Variants in ADGRL4 observed in about 807,000 individuals in gnomAD.
The protein encoded by ADGRL4 is adhesion G protein-coupled receptor L4, also known as EGF, latrophilin and seven transmembrane domain containing 1.
In ADGRL4, 90 loss-of-function variants were observed where a neutral mutation model predicts 74.8. That is an observed-to-expected ratio of 1.20 (90% CI 1.02 to 1.43). The LOEUF is 1.43. ADGRL4 is among the 40% of genes most tolerant of loss of function. The pLI, the probability that ADGRL4 is intolerant of heterozygous loss-of-function variation, is 0.00. For missense variants in ADGRL4, 881 were observed against 814.3 expected (o/e 1.08, Z -1.00); for synonymous variants, 311 against 279.2 (o/e 1.11, Z -1.14).
intron 9 of ADGRL4, 54 bp downstream of exon 9, chr1:78,921,559 G>GA (rs372278602): frequency 2.7e-4 from 310 of 1,167,146 alleles, no homozygotes; most frequent in South Asian, 1.6e-3. Flanking sequence ...GAATGATGCG[G>GA]AAAAAAAACA....
intron 8 of ADGRL4, among the ~76,000 whole-genome samples, chr1:78,923,014 GA>G (rs1649033594): frequency 6.6e-6 from 1 of 151,866 alleles, no homozygotes; most frequent in South Asian, 2.1e-4. Context: ...TTGGAGCACT[GA>G]AAAAAACTGT....
Position 78,918,040 on chromosome 1 carries a change from G to T in ADGRL4, c.1472C>A (p.Ser491Ter). 2 of 1,588,902 alleles carry T rather than the reference G, an allele frequency of 1.3e-6. No individual in the cohort carries two copies. Among genetic ancestry groups the T allele is most frequent in the South Asian group, 1.1e-5 (1 of 87,210 alleles). The change falls in exon 11 of 15, where the codon TCA becomes TAA. Residue 491 changes from serine (S) to a stop codon, truncating the protein, a stop_gained. Coordinates refer to ENST00000370742, the MANE Select transcript of ADGRL4 (RefSeq NM_022159.4). LOFTEE classifies it high-confidence loss of function. ...GTAGTGTAGCAGTCCGGCAATGATT[G>T]AACAGAAGAGCTAGAAATCAAAGAA... ...INTNTNKLFC[S>*]IIAGLLHYFF...
intron 2 of ADGRL4, among the ~76,000 whole-genome samples, chr1:78,982,492 T>C (rs1348419338): frequency 1.3e-5 from 2 of 151,942 alleles, no homozygotes; most frequent in Non-Finnish European, 2.9e-5. Flanking sequence ...AGCACAACCA[T>C]GTCATCAAGG....
At chr1:78,948,379 T>C (rs1649653312) in intron 2 of ADGRL4, among the ~76,000 whole-genome samples, 1 of 152,054 alleles carries the variant, frequency 6.6e-6, no homozygotes, top group African/African-American at 2.4e-5. Context: ...TCGTGTAGCT[T>C]GTGGTACCAG....
At chr1:78,974,781 A>T (rs1557517745) in intron 2 of ADGRL4, among the ~76,000 whole-genome samples, 1 of 152,170 alleles carries the variant, frequency 6.6e-6, no homozygotes. Context: ...TATCACCTCA[A>T]TCTGACACTA....
At chr1:78,966,049 G>T (rs906486507) in intron 2 of ADGRL4, among the ~76,000 whole-genome samples, 13 of 151,644 alleles carry the variant, frequency 8.6e-5, no homozygotes, top group African/African-American at 2.7e-4. Context: ...AATTTTGGTT[G>T]GGAAAAGCCA....
chr1:78,901,299 A>C (rs1648513010), intron 12 of ADGRL4, among the ~76,000 whole-genome samples: 1 of 151,950 alleles, frequency 6.6e-6, no homozygotes, highest in African/African-American at 2.4e-5. Flanking sequence ...TTAGTGGAAA[A>C]CCCCAAGGAT....
chr1:78,980,087 G>A (rs532775279), intron 2 of ADGRL4, among the ~76,000 whole-genome samples: 18 of 151,596 alleles, frequency 1.2e-4, no homozygotes, highest in African/African-American at 3.6e-4. Flanking sequence ...TGTAGCTCAG[G>A]TTTCATTTTT....
chr1:78,912,970 G>A (rs1205133528), intron 12 of ADGRL4, among the ~76,000 whole-genome samples: 1 of 151,886 alleles, frequency 6.6e-6, no homozygotes, highest in Non-Finnish European at 1.5e-5. Context: ...TTACAATGGG[G>A]ACAAGGGACA....
chr1:78,981,455 T>C (rs555514649), intron 2 of ADGRL4, among the ~76,000 whole-genome samples: 2 of 152,032 alleles, frequency 1.3e-5, no homozygotes, highest in African/African-American at 2.4e-5. Context: ...CAACTATTTA[T>C]TTCACTCATA....
chr1:78,965,434 A>G (rs1174901550), intron 2 of ADGRL4, among the ~76,000 whole-genome samples: 1 of 152,196 alleles, frequency 6.6e-6, no homozygotes, highest in Non-Finnish European at 1.5e-5. Flanking sequence ...CATTACAGTT[A>G]TTTCCTGGGA....
intron 7 of ADGRL4, among the ~76,000 whole-genome samples, chr1:78,933,306 T>A (rs1216570654): frequency 6.6e-6 from 1 of 151,406 alleles, no homozygotes; most frequent in African/African-American, 2.5e-5. Context: ...ATCCATCACA[T>A]AAACAGAACC....
rs1557487040 is a variant in ADGRL4 at position 78,890,493 on chromosome 1, C to CA, written c.*660_*661insT. 1.2e-4 allele frequency: 17 copies of CA among 147,150 alleles called. No individual in the cohort carries two copies. The highest frequency in any genetic ancestry group is 4.3e-4 in the African/African-American group (17 of 39,924). 9.1% of individuals were successfully genotyped at this position (147,150 alleles called of 1,614,324 possible). On this transcript the variant is annotated 3_prime_UTR_variant, in exon 15 of 15. Coordinates refer to ENST00000370742, the MANE Select transcript of ADGRL4 (RefSeq NM_022159.4). ...TTTTTTTTCAATTTGTGGAGGTAAA[C>CA]CTTTTTTTTTTTTTTAGAATATTAG...
intron 12 of ADGRL4, among the ~76,000 whole-genome samples, chr1:78,895,249 T>C (rs1648369288): frequency 6.6e-6 from 1 of 152,032 alleles, no homozygotes; most frequent in South Asian, 2.1e-4. Context: ...CCACATTCAT[T>C]GATAATAATA....
chr1:78,980,420 C>G (rs143508890), intron 2 of ADGRL4, among the ~76,000 whole-genome samples: 2 of 151,890 alleles, frequency 1.3e-5, no homozygotes, highest in Non-Finnish European at 2.9e-5. Context: ...AAAAAACTGT[C>G]TCTTACAATA....
chr1:78,939,044 A>G (rs189054614), intron 4 of ADGRL4, 144 bp downstream of exon 4: 53 of 1,073,710 alleles, frequency 4.9e-5, no homozygotes, highest in Non-Finnish European at 6.0e-5. Context: ...TGCAAACATG[A>G]TGCTTAGATC....
chr1:78,966,121 A>T (rs989576594), intron 2 of ADGRL4, among the ~76,000 whole-genome samples: 2 of 152,134 alleles, frequency 1.3e-5, no homozygotes, highest in African/African-American at 4.8e-5. Flanking sequence ...AATTTTATTG[A>T]GATAGCCAGG....
chr1:78,903,970 TA>T (rs1557491985), intron 12 of ADGRL4, among the ~76,000 whole-genome samples: 2 of 88,290 alleles, frequency 2.3e-5, no homozygotes, highest in East Asian at 5.7e-4. Context: ...AATAAATAAA[TA>T]AATAAATAAT....
At chr1:78,922,794 A>G (rs1043225673) in intron 8 of ADGRL4, among the ~76,000 whole-genome samples, 3 of 151,994 alleles carry the variant, frequency 2.0e-5, no homozygotes, top group African/African-American at 7.2e-5. Flanking sequence ...AGTAATATAG[A>G]ATCAAACTCA....
Sources: allele counts gnomAD v4.1 joint callset (sites outside exome capture counted in the v4.1 genomes callset), GRCh38; gene constraint gnomAD v4.1.1; transcripts MANE v1.5; gene names NCBI Gene and HGNC (gene_info 2026-07-23, HGNC 2026-07-21).